The following TAOK1 variants were observed in gnomAD, a reference collection of about 807,000 sequenced individuals.
The protein encoded by TAOK1 is TAO kinase 1.
TAOK1 carries 21 observed loss-of-function variants against 138.3 expected under a neutral mutation model. The ratio of observed to expected loss-of-function variants is 0.15; its 90% CI spans 0.11 to 0.22. The LOEUF (loss-of-function observed/expected upper bound fraction) is 0.22. Ranked by LOEUF, TAOK1 falls within the 10% of genes least tolerant of loss-of-function variation. The pLI is 1.00. For missense variants in TAOK1, 651 were observed against 1,227.7 expected, an observed-to-expected ratio of 0.53 and a Z score of 7.02; for synonymous variants, 361 against 398.4, an observed-to-expected ratio of 0.91 and a Z score of 1.12.
chr17:29,483,903 T>G (rs2031115258), intron 8 of TAOK1, among the ~76,000 whole-genome samples: 1 of 152,238 alleles, frequency 6.6e-6, no homozygotes, highest in Non-Finnish European at 1.5e-5. Flanking sequence ...TGGGTATACA[T>G]GTACAGAAGC....
intron 2 of TAOK1, among the ~76,000 whole-genome samples, chr17:29,459,477 G>A (rs1353135144): frequency 6.6e-6 from 1 of 151,786 alleles, no homozygotes; most frequent in African/African-American, 2.4e-5. Flanking sequence ...AGTAGAAACG[G>A]GATTTCACCA....
intron 1 of TAOK1, among the ~76,000 whole-genome samples, chr17:29,423,137 G>A (rs1332931284): frequency 8.2e-6 from 1 of 121,418 alleles, no homozygotes; most frequent in African/African-American, 3.1e-5. Flanking sequence ...CTTTTGCTGT[G>A]TTGTATTTAA....
chr17:29,426,829 A>AT (rs574111031), intron 1 of TAOK1, among the ~76,000 whole-genome samples: 149 of 152,314 alleles, frequency 9.8e-4, no homozygotes, highest in African/African-American at 3.5e-3. Context: ...TTGGAGTGGC[A>AT]TCCTGGTGAG....
At chr17:29,511,036 A>T (rs1306662591) in intron 15 of TAOK1, 44 bp downstream of exon 15, 1 of 1,554,828 alleles carries the variant, frequency 6.4e-7, no homozygotes, top group Non-Finnish European at 8.7e-7. Flanking sequence ...TCTGCTTATT[A>T]ATTATATCCA....
At chr17:29,472,367 C>T (rs1438752586) in intron 3 of TAOK1, among the ~76,000 whole-genome samples, 1 of 151,282 alleles carries the variant, frequency 6.6e-6, no homozygotes, top group East Asian at 1.9e-4. Flanking sequence ...ATTCTCCTGC[C>T]TCAGCCTCTC....
At chr17:29,480,186 C>A (rs2031031350) in intron 6 of TAOK1, 182 bp from the exon 7 acceptor site, 1 of 384,412 alleles carries the variant, frequency 2.6e-6, no homozygotes, top group African/African-American at 2.1e-5. Flanking sequence ...TATTTGAATT[C>A]TGTAGTTTTT....
intron 2 of TAOK1, among the ~76,000 whole-genome samples, chr17:29,466,421 G>C (rs2030670763): frequency 6.6e-6 from 1 of 152,154 alleles, no homozygotes; most frequent in African/African-American, 2.4e-5. Flanking sequence ...TGCGATTACA[G>C]GTGTGAGCCA....
At chr17:29,403,603 T>TA (rs1904912283) in intron 1 of TAOK1, 1 of 152,216 alleles carries the variant, frequency 6.6e-6, no homozygotes, top group African/African-American at 2.4e-5. Context: ...TAGGGCTCAT[T>TA]ACTTGATAGG....
chr17:29,408,173 T>G (rs1390480023), intron 1 of TAOK1, among the ~76,000 whole-genome samples: 1 of 151,032 alleles, frequency 6.6e-6, no homozygotes, highest in African/African-American at 2.4e-5. Flanking sequence ...TGCCTCAGCC[T>G]CCCAAAGTGG....
At chr17:29,416,452 C>T (rs1185718830) in intron 1 of TAOK1, among the ~76,000 whole-genome samples, 2 of 151,802 alleles carry the variant, frequency 1.3e-5, no homozygotes, top group South Asian at 2.1e-4. Flanking sequence ...CTTAAGACTT[C>T]TCAAAGAGAA....
In TAOK1 at chr17:29,543,798, G is replaced by A. The variant is rs998092440; in HGVS notation, c.*776G>A. The stretch of plus-strand genomic sequence containing the variant: ...TGCCTTCTTTGTATTATGATAAGAT[G>A]GGGGTACTTAAGGAGATCACAAGTT... On this transcript the variant is annotated 3_prime_UTR_variant, in exon 20 of 20. Coordinates refer to ENST00000261716, the MANE Select transcript of TAOK1 (RefSeq NM_020791.4). 3.9e-5 allele frequency: 6 copies of A among 152,130 alleles called. No individual in the cohort carries two copies. Among genetic ancestry groups the A allele is most frequent in the South Asian group, 2.1e-4 (1 of 4,826 alleles). The allele number at this position is 152,130 out of a possible 1,614,324, so 9.4% of individuals were successfully genotyped here. A position where few individuals can be genotyped will look rare whatever the true frequency, so the allele number is the denominator to read the frequency against.
chr17:29,454,920 AT>A (rs976333778), intron 2 of TAOK1, among the ~76,000 whole-genome samples: 5 of 150,732 alleles, frequency 3.3e-5, no homozygotes, highest in African/African-American at 4.9e-5. Context: ...CCAGGATGGT[AT>A]TTTTTGTTTT....
intron 17 of TAOK1, among the ~76,000 whole-genome samples, chr17:29,522,769 A>G (rs530622625): frequency 6.6e-6 from 1 of 152,252 alleles, no homozygotes; most frequent in Admixed American, 6.5e-5. Flanking sequence ...AAGAATCAAG[A>G]TTCTTGTTTT....
chr17:29,530,920 T>C (rs147629675), intron 18 of TAOK1, among the ~76,000 whole-genome samples: 548 of 150,318 alleles, frequency 3.6e-3, no homozygotes, highest in African/African-American at 0.013. Context: ...AAGGTATGAT[T>C]ATAATGGGAA....
intron 1 of TAOK1, among the ~76,000 whole-genome samples, chr17:29,411,184 C>T (rs1252024102): frequency 2.7e-5 from 4 of 145,520 alleles, no homozygotes; most frequent in African/African-American, 5.0e-5. Flanking sequence ...CTCCGCCTTC[C>T]GGGTTCACGC....
intron 2 of TAOK1, among the ~76,000 whole-genome samples, chr17:29,464,550 G>A (rs2030610039): frequency 6.6e-6 from 1 of 152,016 alleles, no homozygotes; most frequent in South Asian, 2.1e-4. Flanking sequence ...ATTAAAATGG[G>A]TAAATTATAT....
chr17:29,467,347 C>T, intron 3 of TAOK1, 131 bp downstream of exon 3: 2 of 385,130 alleles, frequency 5.2e-6, no homozygotes, highest in Non-Finnish European at 8.7e-6. Context: ...AATCTTGGCT[C>T]ACTGCAAGCT....
intron 1 of TAOK1, among the ~76,000 whole-genome samples, chr17:29,402,945 T>A (rs1904890935): frequency 6.7e-6 from 1 of 149,840 alleles, no homozygotes. Context: ...GAGGCCGAAG[T>A]GGGCAGATCA....
chr17:29,492,294 GT>G (rs2031309715), intron 10 of TAOK1, among the ~76,000 whole-genome samples: 1 of 152,112 alleles, frequency 6.6e-6, no homozygotes, highest in Admixed American at 6.6e-5. Context: ...TAAAATACTA[GT>G]TTTTTATGCC....
Sources: allele counts gnomAD v4.1 joint callset (sites outside exome capture counted in the v4.1 genomes callset), GRCh38; gene constraint gnomAD v4.1.1; transcripts MANE v1.5; gene names NCBI Gene and HGNC (gene_info 2026-07-23, HGNC 2026-07-21).